TTC28: variants seen among roughly 807,000 people sequenced by gnomAD.
TTC28 encodes tetratricopeptide repeat protein 28.
Under a neutral mutation model 198.0 loss-of-function variants are expected in TTC28, and 61 were observed. That is an observed-to-expected ratio of 0.31 (90% CI 0.25 to 0.38). TTC28 has a LOEUF of 0.38. TTC28 is among the 10% of genes least tolerant of loss of function. The pLI is 1.00. For synonymous variants in TTC28, 1,171 were observed against 1,297.8 expected, an observed-to-expected ratio of 0.90 and a Z score of 2.10; for missense variants, 2,678 against 3,164.0, an observed-to-expected ratio of 0.85 and a Z score of 3.69.
intron 5 of TTC28, among the ~76,000 whole-genome samples, chr22:28,176,148 T>A (rs1255503940): frequency 6.6e-6 from 1 of 152,188 alleles, no homozygotes; most frequent in East Asian, 1.9e-4. Context: ...ATGGCCAAGA[T>A]AGGGAATCAA....
At chr22:28,677,828 C>T (rs377350364) in intron 1 of TTC28, among the ~76,000 whole-genome samples, 4 of 152,056 alleles carry the variant, frequency 2.6e-5, no homozygotes, top group South Asian at 2.1e-4. Context: ...ATGCCAGCTA[C>T]ACCAGAGGCT....
At position 28,048,077 on chromosome 22, in the gene TTC28, TAGGAGGTTTTTTTCTGCTTGGGTA is replaced by T. The variant is rs564688606; in HGVS notation, c.3933-17735_3933-17712del. Among the ~76,000 whole-genome samples, 9 of 151,932 alleles carry T rather than the reference TAGGAGGTTTTTTTCTGCTTGGGTA, an allele frequency of 5.9e-5. No homozygotes were observed. The South Asian group carries it at 6.2e-4, about 11-fold the overall frequency. ...GGGCACGTAGCCATTCTTGTCAACC[TAGGAGGTTTTTTTCTGCTTGGGTA>T]AGGAGGTTTTTTTCTGCTTGGGTAA... On this transcript the variant is annotated intron_variant, in intron 12 of 22. Coordinates refer to ENST00000397906, the MANE Select transcript of TTC28 (RefSeq NM_001145418.2).
chr22:28,195,980 T>A (rs1569191178), intron 5 of TTC28, among the ~76,000 whole-genome samples: 1 of 151,954 alleles, frequency 6.6e-6, no homozygotes, highest in South Asian at 2.1e-4. Flanking sequence ...TATTGCCAAG[T>A]CAATCCTAAG....
chr22:28,293,062 C>T (rs964238487), intron 5 of TTC28, among the ~76,000 whole-genome samples: 2 of 152,188 alleles, frequency 1.3e-5, no homozygotes, highest in African/African-American at 4.8e-5. Context: ...CAATTGGTGT[C>T]TGGTTTCAGG....
At chr22:28,188,037 G>A (rs893464283) in intron 5 of TTC28, among the ~76,000 whole-genome samples, 3 of 152,080 alleles carry the variant, frequency 2.0e-5, no homozygotes, top group South Asian at 2.1e-4. Context: ...TGCTAGGTCC[G>A]GGAAATATAA....
At chr22:28,201,177 T>C (rs1013969020) in intron 5 of TTC28, among the ~76,000 whole-genome samples, 3 of 151,262 alleles carry the variant, frequency 2.0e-5, no homozygotes, top group Admixed American at 1.3e-4. Flanking sequence ...TGATCAATCT[T>C]AAAATTCATT....
At chr22:28,333,749 T>A (rs1281274680) in intron 2 of TTC28, among the ~76,000 whole-genome samples, 3 of 152,142 alleles carry the variant, frequency 2.0e-5, no homozygotes, top group African/African-American at 7.2e-5. Context: ...AATCACTTAC[T>A]TTGTTAATTA....
intron 2 of TTC28, among the ~76,000 whole-genome samples, chr22:28,519,341 A>T (rs2048853753): frequency 6.6e-6 from 1 of 152,240 alleles, no homozygotes; most frequent in South Asian, 2.1e-4. Context: ...AAGAAAAACA[A>T]ACAAGACATG....
At chr22:28,191,080 GAACCT>G (rs1438638328) in intron 5 of TTC28, among the ~76,000 whole-genome samples, 2 of 152,016 alleles carry the variant, frequency 1.3e-5, no homozygotes, top group African/African-American at 4.8e-5. Flanking sequence ...TCCCTCCTCA[GAACCT>G]AGACCTCCTG....
At chr22:28,148,414 C>T (rs1455097204) in intron 6 of TTC28, among the ~76,000 whole-genome samples, 1 of 152,144 alleles carries the variant, frequency 6.6e-6, no homozygotes, top group Non-Finnish European at 1.5e-5. Context: ...GAGATCGAGA[C>T]CATCCTGGCT....
intron 2 of TTC28, among the ~76,000 whole-genome samples, chr22:28,343,934 T>G (rs1019532768): frequency 2.8e-4 from 43 of 152,220 alleles, no homozygotes; most frequent in African/African-American, 9.9e-4. Context: ...ACATCAAATA[T>G]ACGCTATTGT....
intron 2 of TTC28, among the ~76,000 whole-genome samples, chr22:28,364,499 T>C (rs1000918316): frequency 2.6e-5 from 4 of 152,200 alleles, no homozygotes; most frequent in African/African-American, 9.7e-5. Flanking sequence ...TTGCCATAGA[T>C]AGTGATTCCT....
At chr22:28,534,304 A>G (rs1252750661) in intron 2 of TTC28, among the ~76,000 whole-genome samples, 1 of 152,250 alleles carries the variant, frequency 6.6e-6, no homozygotes, top group East Asian at 1.9e-4. Context: ...CAAAAGACAC[A>G]TGAAAAAATG....
chr22:28,412,783 A>T (rs2047102356), intron 2 of TTC28, among the ~76,000 whole-genome samples: 2 of 152,322 alleles, frequency 1.3e-5, no homozygotes, highest in South Asian at 4.1e-4. Context: ...TTAGTGACAG[A>T]AAAGGGAGGA....
chr22:28,221,777 A>T (rs1315529905), intron 5 of TTC28, among the ~76,000 whole-genome samples: 1 of 152,192 alleles, frequency 6.6e-6, no homozygotes, highest in Non-Finnish European at 1.5e-5. Flanking sequence ...TCCACATGTT[A>T]CTTTTTCTGT....
chr22:28,161,704 G>A (rs187026249), intron 6 of TTC28, among the ~76,000 whole-genome samples: 1 of 148,926 alleles, frequency 6.7e-6, no homozygotes, highest in Non-Finnish European at 1.5e-5. Flanking sequence ...GAGGAGAGGA[G>A]GGGAAAGAGG....
chr22:28,404,174 C>T (rs1328540347), intron 2 of TTC28, among the ~76,000 whole-genome samples: 2 of 152,146 alleles, frequency 1.3e-5, no homozygotes, highest in Non-Finnish European at 2.9e-5. Context: ...GGTTGGAGTG[C>T]AGTGGCACCA....
At chr22:28,392,868 T>TC (rs1233913141) in intron 2 of TTC28, among the ~76,000 whole-genome samples, 2 of 85,720 alleles carry the variant, frequency 2.3e-5, no homozygotes, top group African/African-American at 9.5e-5. Flanking sequence ...GGTTCCTCCC[T>TC]CCTTTTTTTT....
At chr22:28,087,723 T>C (rs1342889335) in intron 12 of TTC28, among the ~76,000 whole-genome samples, 1 of 152,108 alleles carries the variant, frequency 6.6e-6, no homozygotes, top group Non-Finnish European at 1.5e-5. Flanking sequence ...AGTCAAATCG[T>C]CCCTGTTTGC....
Sources: gnomAD v4.1 joint callset for allele counts (sites outside exome capture counted in the v4.1 genomes callset) on GRCh38, gnomAD v4.1.1 for gene constraint, MANE v1.5 for transcripts, NCBI Gene and HGNC (gene_info 2026-07-23, HGNC 2026-07-21) for gene names.